The following C3orf70 variants were observed in gnomAD, a reference collection of about 807,000 sequenced individuals.
C3orf70 encodes the protein chromosome 3 open reading frame 70.
Under a neutral mutation model 20.7 loss-of-function variants are expected in C3orf70, and 15 were observed. The observed-to-expected ratio is 0.72, with a 90% CI of 0.48 to 1.11. The LOEUF (loss-of-function observed/expected upper bound fraction) is 1.11, where lower values mean the gene tolerates loss of function less well. C3orf70 is among the 50% of genes most tolerant of loss of function. The pLI is 0.00. For missense variants in C3orf70, 332 were observed against 317.6 expected (o/e 1.05, Z -0.34); for synonymous variants, 161 against 125.7 (o/e 1.28, Z -1.88).
chr3:185,113,986 G>A (rs557936729), intron 1 of C3orf70, among the ~76,000 whole-genome samples: 1 of 152,280 alleles, frequency 6.6e-6, no homozygotes, highest in South Asian at 2.1e-4. Flanking sequence ...GATCACCTGA[G>A]GTCGGGAGTT....
intron 1 of C3orf70, among the ~76,000 whole-genome samples, chr3:185,118,501 T>C (rs1716228235): frequency 6.6e-6 from 1 of 152,230 alleles, no homozygotes. Context: ...CAGTGCTTAA[T>C]ACAGAGGGGG....
At chr3:185,148,407 T>C (rs984283657) in intron 1 of C3orf70, among the ~76,000 whole-genome samples, 4 of 152,230 alleles carry the variant, frequency 2.6e-5, no homozygotes, top group African/African-American at 4.8e-5. Context: ...AGCAGAATTC[T>C]AGAAGTTAAC....
chr3:185,140,780 C>A (rs1275375401), intron 1 of C3orf70, among the ~76,000 whole-genome samples: 1 of 144,234 alleles, frequency 6.9e-6, no homozygotes, highest in Non-Finnish European at 1.5e-5. Flanking sequence ...GAAACCCCGT[C>A]TCTACTAAAA....
At chr3:185,100,234 C>G (rs1261478397) in intron 1 of C3orf70, among the ~76,000 whole-genome samples, 1 of 152,152 alleles carries the variant, frequency 6.6e-6, no homozygotes, top group African/African-American at 2.4e-5. Context: ...CACCCCAAAA[C>G]AGAATATACA....
chr3:185,078,196 C>T lies in C3orf70; in HGVS notation c.*4811G>A, dbSNP rs1319274022. Reference sequence around the variant, plus strand: ...AGAAGAGTCAACATTGTGCTTAAAACTTTAAAATAGTTTTTAAAAATAGCA... The same window carrying T: ...AGAAGAGTCAACATTGTGCTTAAAATTTTAAAATAGTTTTTAAAAATAGCA... On this transcript the variant is annotated 3_prime_UTR_variant, in exon 2 of 2. Coordinates refer to ENST00000335012, the MANE Select transcript of C3orf70 (RefSeq NM_001025266.3). 1 of 152,586 alleles carries T rather than the reference C, an allele frequency of 6.6e-6. No individual in the cohort carries two copies. The highest frequency in any genetic ancestry group is 2.4e-5 in the African/African-American group (1 of 41,428). The allele number at this position is 152,586 out of a possible 1,614,324, so 9.5% of individuals were successfully genotyped here.
At chr3:185,129,787 C>G (rs1716491731) in intron 1 of C3orf70, among the ~76,000 whole-genome samples, 1 of 152,120 alleles carries the variant, frequency 6.6e-6, no homozygotes, top group Non-Finnish European at 1.5e-5. Flanking sequence ...TATTTATATT[C>G]AAACAAAAGA....
intron 1 of C3orf70, among the ~76,000 whole-genome samples, chr3:185,098,488 G>A (rs961791461): frequency 3.3e-5 from 5 of 152,186 alleles, no homozygotes; most frequent in Non-Finnish European, 7.3e-5. Flanking sequence ...TTTCAAACAA[G>A]TAGGTCCTAG....
Position 185,139,784 on chromosome 3 carries a change from G to T in C3orf70, c.196+12844C>A, listed in dbSNP as rs926483301. Among the ~76,000 whole-genome samples the T allele has an allele frequency of 2.2e-3, 329 of 152,222 alleles. 4 individuals carry two copies. Among genetic ancestry groups the T allele is most frequent in the Non-Finnish European group, 7.4e-4 (50 of 68,020 alleles). ...GAGCAACTGGACATCCATAGGCAAA[G>T]AAGTGAATTGTGATCTAAGCCACAC... On this transcript the variant is annotated intron_variant, in intron 1 of 1. Transcript: ENST00000335012.
chr3:185,134,721 C>T (rs1375346711), intron 1 of C3orf70, among the ~76,000 whole-genome samples: 1 of 152,216 alleles, frequency 6.6e-6, no homozygotes, highest in Non-Finnish European at 1.5e-5. Flanking sequence ...CCAGTAAAGG[C>T]TGACAGCTGG....
rs955820356 is a variant in C3orf70 at position 185,083,302 on chromosome 3, T to C, written c.458A>G (p.His153Arg). 9.3e-6 allele frequency: 15 copies of C among 1,614,212 alleles called. No individual in the cohort carries two copies. The South Asian group carries it at 1.5e-4, about 17-fold the overall frequency. The change falls in exon 2 of 2, where the codon CAT becomes CGT. Residue 153 changes from histidine (H) to arginine (R), a missense_variant. By Grantham distance (29) the His-to-Arg change is conservative. Transcript: ENST00000335012. ...CTCCTCAGGGCTCATTCTGTGGGAATGTGGTGCCGGCTGCTTCTGCACATA... is the reference window on the plus strand; with the variant it reads ...CTCCTCAGGGCTCATTCTGTGGGAACGTGGTGCCGGCTGCTTCTGCACATA... ...MCYVQKQPAP[H>R]SHRMSPEEVS...
intron 1 of C3orf70, among the ~76,000 whole-genome samples, chr3:185,140,388 G>C (rs549607896): frequency 3.9e-5 from 6 of 152,204 alleles, no homozygotes; most frequent in African/African-American, 1.4e-4. Context: ...AATCCAATTA[G>C]AAAAGGAGAA....
At chr3:185,110,134 T>C (rs1716039998) in intron 1 of C3orf70, among the ~76,000 whole-genome samples, 1 of 152,234 alleles carries the variant, frequency 6.6e-6, no homozygotes, top group Non-Finnish European at 1.5e-5. Flanking sequence ...TATGGCCCGC[T>C]GTAGGAGCTA....
chr3:185,145,922 C>A lies in C3orf70; in HGVS notation c.196+6706G>T, dbSNP rs1317402960. Among the ~76,000 whole-genome samples the A allele has an allele frequency of 1.1e-4, 16 of 152,226 alleles. 1 individual carries two copies. Among genetic ancestry groups the A allele is most frequent in the Admixed American group, 9.2e-4 (14 of 15,274 alleles). ...GAAGCACCAGCTACACAGAAAGACA[C>A]CTATCAGCGTTCTCTATCTCTGGAA... is the stretch of plus-strand genomic sequence containing the variant. On this transcript the variant is annotated intron_variant, in intron 1 of 1. Coordinates refer to ENST00000335012, the MANE Select transcript of C3orf70 (RefSeq NM_001025266.3).
At chr3:185,093,784 G>A (rs987828922) in intron 1 of C3orf70, among the ~76,000 whole-genome samples, 45 of 151,946 alleles carry the variant, frequency 3.0e-4, no homozygotes, top group Admixed American at 2.0e-3. Flanking sequence ...GGGGGGCGGG[G>A]GGACGTATGG....
intron 1 of C3orf70, among the ~76,000 whole-genome samples, chr3:185,112,158 T>C (rs1019515110): frequency 1.7e-4 from 26 of 151,956 alleles, no homozygotes; most frequent in Admixed American, 5.2e-4. Flanking sequence ...CCAGGTGTGG[T>C]GGGCGCCTGT....
chr3:185,108,708 T>C (rs1715998054), intron 1 of C3orf70, among the ~76,000 whole-genome samples: 1 of 152,264 alleles, frequency 6.6e-6, no homozygotes, highest in African/African-American at 2.4e-5. Context: ...TATCCAGTGA[T>C]GCCCAACTTG....
intron 1 of C3orf70, among the ~76,000 whole-genome samples, chr3:185,124,684 A>C (rs904151303): frequency 2.0e-5 from 3 of 152,198 alleles, no homozygotes; most frequent in African/African-American, 2.4e-5. Context: ...AAAATGTTAA[A>C]TTGAGCATCA....
intron 1 of C3orf70, among the ~76,000 whole-genome samples, chr3:185,088,061 G>A (rs1052773088): frequency 2.0e-5 from 3 of 151,906 alleles, no homozygotes; most frequent in Admixed American, 1.3e-4. Flanking sequence ...ACAGGCATGC[G>A]CCACCATGCC....
At chr3:185,100,786 G>C (rs1715805811) in intron 1 of C3orf70, among the ~76,000 whole-genome samples, 1 of 151,234 alleles carries the variant, frequency 6.6e-6, no homozygotes, top group African/African-American at 2.4e-5. Flanking sequence ...TAACAAAATA[G>C]ATCACTACCT....
Sources: gnomAD v4.1 joint callset for allele counts (sites outside exome capture counted in the v4.1 genomes callset) on GRCh38, gnomAD v4.1.1 for gene constraint, MANE v1.5 for transcripts, NCBI Gene and HGNC (gene_info 2026-07-23, HGNC 2026-07-21) for gene names.